ITCH: variants seen among roughly 807,000 people sequenced by gnomAD.
The protein encoded by ITCH is itchy E3 ubiquitin protein ligase.
ITCH carries 28 observed loss-of-function variants against 126.8 expected under a neutral mutation model. The ratio of observed to expected loss-of-function variants is 0.22; its 90% CI spans 0.16 to 0.30. The LOEUF (loss-of-function observed/expected upper bound fraction) is 0.30. Ranked by LOEUF, ITCH falls within the 10% of genes least tolerant of loss-of-function variation. The pLI, the probability that ITCH is intolerant of heterozygous loss-of-function variation, is 1.00. For missense variants in ITCH, 631 were observed against 1,032.4 expected, an observed-to-expected ratio of 0.61 and a Z score of 5.33; for synonymous variants, 342 against 340.0, an observed-to-expected ratio of 1.01 and a Z score of -0.06.
At chr20:34,451,303 A>T (rs188467904) in intron 12 of ITCH, among the ~76,000 whole-genome samples, 39 of 152,150 alleles carry the variant, frequency 2.6e-4, no homozygotes, top group South Asian at 8.3e-4. Context: ...AAAAAAAAAA[A>T]AAAGAAATTA....
At chr20:34,424,174 T>G (rs1243625361) in intron 6 of ITCH, among the ~76,000 whole-genome samples, 1 of 152,162 alleles carries the variant, frequency 6.6e-6, no homozygotes, top group Non-Finnish European at 1.5e-5. Flanking sequence ...AACACTAGGT[T>G]TAAATTAGAG....
chr20:34,365,980 C>T (rs1465132158), intron 1 of ITCH, among the ~76,000 whole-genome samples: 2 of 152,038 alleles, frequency 1.3e-5, no homozygotes, highest in Non-Finnish European at 2.9e-5. Flanking sequence ...AGGAAGTGGC[C>T]AATTCTGTGT....
At chr20:34,401,545 A>G (rs1224895934) in intron 3 of ITCH, 1 of 611,908 alleles carries the variant, frequency 1.6e-6, no homozygotes, top group Non-Finnish European at 2.0e-6. Flanking sequence ...GGGTGGAGTA[A>G]AAAGGCAACT....
chr20:34,405,743 G>A (rs2039036717), intron 3 of ITCH, among the ~76,000 whole-genome samples: 1 of 151,876 alleles, frequency 6.6e-6, no homozygotes, highest in South Asian at 2.1e-4. Context: ...ATTAAATTTG[G>A]CTCTATATTA....
chr20:34,400,554 C>G (rs1451772148), intron 3 of ITCH, among the ~76,000 whole-genome samples: 1 of 150,496 alleles, frequency 6.6e-6, no homozygotes, highest in Admixed American at 6.6e-5. Flanking sequence ...AAATTTATTG[C>G]TAAGGGAGAT....
At chr20:34,475,810 ATAG>A (rs1013989520) in intron 16 of ITCH, 2 of 668,684 alleles carry the variant, frequency 3.0e-6, no homozygotes, top group African/African-American at 3.6e-5. Context: ...GTGAATTAAA[ATAG>A]TAAAGCTAGT....
rs1245656494 is a variant in ITCH, at chr20:34,373,129, C to G, written c.-22+3659C>G. On this transcript the variant is annotated intron_variant, in intron 2 of 24. Coordinates refer to ENST00000374864, the MANE Select transcript of ITCH (RefSeq NM_031483.7). The stretch of plus-strand genomic sequence containing the variant: ...AGCTGGGATTATAGGCATGTGCCAC[C>G]ACGCCCAGCTAATTTTGTATTTTTA... Among the ~76,000 whole-genome samples the G allele has an allele frequency of 3.9e-5, 6 of 152,056 alleles. No homozygotes were observed. The South Asian group carries it at 6.2e-4, about 16-fold the overall frequency.
intron 8 of ITCH, 124 bp from the exon 9 acceptor site, chr20:34,440,031 A>G: frequency 1.5e-6 from 1 of 686,270 alleles, no homozygotes; most frequent in Non-Finnish European, 2.5e-6. Context: ...AGTAATTTTC[A>G]CCTGTGCATC....
intron 3 of ITCH, among the ~76,000 whole-genome samples, chr20:34,399,053 C>T (rs1439904522): frequency 6.6e-6 from 1 of 152,168 alleles, no homozygotes; most frequent in Non-Finnish European, 1.5e-5. Flanking sequence ...TAAGCTGCCT[C>T]AATGCCTTTC....
At chr20:34,393,760 A>G (rs776365491) in intron 2 of ITCH, 31 bp from the exon 3 acceptor site, 40 of 1,247,230 alleles carry the variant, frequency 3.2e-5, no homozygotes, top group Non-Finnish European at 4.7e-5. Context: ...GGAATTTTTG[A>G]TGTTTACAGT....
intron 2 of ITCH, among the ~76,000 whole-genome samples, chr20:34,391,875 A>AT (rs1310760524): frequency 6.6e-6 from 1 of 152,066 alleles, no homozygotes; most frequent in African/African-American, 2.4e-5. Context: ...GAGATTTAAA[A>AT]TTTTTTGCAA....
chr20:34,395,886 T>C (rs150021132), intron 3 of ITCH, among the ~76,000 whole-genome samples: 2 of 152,300 alleles, frequency 1.3e-5, no homozygotes, highest in East Asian at 3.9e-4. Context: ...TTGGATTTTA[T>C]GAAAAATGCT....
chr20:34,453,472 C>T (rs952414437), intron 12 of ITCH, among the ~76,000 whole-genome samples: 2 of 152,022 alleles, frequency 1.3e-5, no homozygotes, highest in Non-Finnish European at 1.5e-5. Flanking sequence ...TGTGGCATGC[C>T]TGTAGTTCCA....
chr20:34,442,041 T>A (rs1983829752), intron 9 of ITCH, 167 bp from the exon 10 acceptor site: 3 of 661,248 alleles, frequency 4.5e-6, no homozygotes, highest in Non-Finnish European at 8.3e-6. Context: ...GCCTGAAGAT[T>A]ACATTTCTTC....
At chr20:34,366,838 G>A (rs1390313830) in intron 1 of ITCH, among the ~76,000 whole-genome samples, 3 of 152,208 alleles carry the variant, frequency 2.0e-5, no homozygotes, top group African/African-American at 7.2e-5. Context: ...AAGAAAGATT[G>A]CTCTGGTGAT....
chr20:34,449,258 T>G (rs1984869443), intron 11 of ITCH, among the ~76,000 whole-genome samples, 153 bp from the exon 12 acceptor site: 1 of 152,166 alleles, frequency 6.6e-6, no homozygotes, highest in South Asian at 2.1e-4. Context: ...AACCAAAGTA[T>G]ATTGGCATTT....
chr20:34,452,398 A>G lies in ITCH; in HGVS notation c.1210+2918A>G, dbSNP rs374401936. Among the ~76,000 whole-genome samples, 5 of 152,256 alleles carry G rather than the reference A, an allele frequency of 3.3e-5. No individual in the cohort carries two copies. The East Asian group carries it at 5.8e-4, about 18-fold the overall frequency. The stretch of plus-strand genomic sequence containing the variant: ...TGTTCTGCTATTTTACAGTCTGCTT[A>G]TTTTTAGGTTTCACATTCCTCATGT... On this transcript the variant is annotated intron_variant, in intron 12 of 24. Transcript: ENST00000374864.
intron 20 of ITCH, among the ~76,000 whole-genome samples, chr20:34,482,231 T>C (rs1452311387): frequency 6.6e-6 from 1 of 152,124 alleles, no homozygotes; most frequent in Non-Finnish European, 1.5e-5. Flanking sequence ...CTCCCAAATC[T>C]CATGTCTTCA....
intron 22 of ITCH, among the ~76,000 whole-genome samples, chr20:34,491,114 C>T (rs1219929074): frequency 2.0e-5 from 3 of 152,092 alleles, no homozygotes; most frequent in East Asian, 3.9e-4. Context: ...TCTAGGTGCT[C>T]CTCAACTTAT....
Sources: allele counts gnomAD v4.1 joint callset (sites outside exome capture counted in the v4.1 genomes callset), GRCh38; gene constraint gnomAD v4.1.1; transcripts MANE v1.5; gene names NCBI Gene and HGNC (gene_info 2026-07-23, HGNC 2026-07-21).